HCRT: variants seen among roughly 807,000 people sequenced by gnomAD.
HCRT encodes hypocretin neuropeptide precursor.
A neutral mutation model predicts 5.7 loss-of-function variants in HCRT; 5 were observed. That is an observed-to-expected ratio of 0.87 (90% CI 0.45 to 1.83). The LOEUF (loss-of-function observed/expected upper bound fraction) is 1.83, where lower values mean the gene tolerates loss of function less well. HCRT is among the 40% of genes most tolerant of loss of function. HCRT has a pLI of 0.02. For synonymous variants in HCRT, 114 were observed against 99.0 expected (o/e 1.15, Z -0.90); for missense variants, 207 against 191.8 (o/e 1.08, Z -0.47).
Position 42,184,202 on chromosome 17 carries a change from G to GGAACAGCGGCGCCCGAGGCA in HCRT, c.328_347dup (p.Pro118SerfsTer48). ...GCGCGACGGAGGCGGCGGCCGGGGC[G>GGAACAGCGGCGCCCGAGGCA]GAACAGCGGCGCCCGAGGCAGGGGC... On this transcript the variant is annotated frameshift_variant, in exon 2 of 2. Transcript: ENST00000293330. LOFTEE classifies it low-confidence loss of function (END_TRUNC). 3 of 1,287,680 alleles carry GGAACAGCGGCGCCCGAGGCA rather than the reference G, an allele frequency of 2.3e-6. No individual in the cohort carries two copies. Among genetic ancestry groups the GGAACAGCGGCGCCCGAGGCA allele is most frequent in the Non-Finnish European group, 2.9e-6 (3 of 1,019,868 alleles). The allele number at this position is 1,287,680 out of a possible 1,614,324, so 79.8% of individuals were successfully genotyped here. A position where few individuals can be genotyped will look rare whatever the true frequency, so the allele number is the denominator to read the frequency against.
At chr17:42,184,676 C>G (rs2079925039) in intron 1 of HCRT, 148 bp from the exon 2 acceptor site, 2 of 1,276,634 alleles carry the variant, frequency 1.6e-6, no homozygotes, top group Admixed American at 3.0e-5. Flanking sequence ...GCTTTGCGCC[C>G]TTGCTGGTAT....
Position 42,184,529 on chromosome 17 carries a change from CTAGGGAGACG to C in HCRT, c.22-11_22-2del. 6.5e-7 allele frequency: 1 copy of C among 1,531,438 alleles called. No individual in the cohort carries two copies. Among genetic ancestry groups the C allele is most frequent in the Non-Finnish European group, 8.7e-7 (1 of 1,144,938 alleles). The allele number at this position is 1,531,438 out of a possible 1,614,324, so 94.9% of individuals were successfully genotyped here. On this transcript the variant is annotated splice_acceptor_variant and splice_polypyrimidine_tract_variant and intron_variant, in intron 1 of 1. Coordinates refer to ENST00000293330, the MANE Select transcript of HCRT (RefSeq NM_001524.1). LOFTEE classifies it high-confidence loss of function. ...GTAGCGTCACGGCGGCCCAGGAGAC[CTAGGGAGACG>C]GAGACAGGGCGCTGGGGGGGTCTTC...
intron 1 of HCRT, 81 bp downstream of exon 1, chr17:42,185,264 G>T: frequency 7.4e-7 from 1 of 1,350,174 alleles, no homozygotes; most frequent in Non-Finnish European, 1.1e-6. Context: ...GACACCTTTG[G>T]CCTTTCTTCC....
chr17:42,184,335 C>T lies in HCRT; in HGVS notation c.215G>A (p.Gly72Glu). 6.4e-7 allele frequency: 1 copy of T among 1,565,378 alleles called. No individual in the cohort carries two copies. The highest frequency in any genetic ancestry group is 8.6e-7 in the Non-Finnish European group (1 of 1,161,754). Residue 72 changes from glycine (G) to glutamate (E), a missense_variant, in exon 2 of 2, where the codon GGG becomes GAG. Gly to Glu is a moderately conservative substitution (Grantham distance 98). Transcript: ENST00000293330. Reference sequence around the variant, plus strand: ...CAGCCGACCCTGGAGGCCCGGGGGCCCGGACCTCCGCTTGCCCAGCGTGAG... The same window carrying T: ...CAGCCGACCCTGGAGGCCCGGGGGCTCGGACCTCCGCTTGCCCAGCGTGAG... ...GILTLGKRRS[G>E]PPGLQGRLQR... is the part of the protein sequence containing the mutation.
intron 1 of HCRT, 71 bp downstream of exon 1, chr17:42,185,274 C>T: frequency 2.0e-6 from 3 of 1,473,624 alleles, no homozygotes; most frequent in Non-Finnish European, 2.8e-6. Flanking sequence ...GCCTTTCTTC[C>T]AGCCCTCTGA....
chr17:42,184,654 T>C, intron 1 of HCRT, 126 bp from the exon 2 acceptor site: 2 of 1,342,400 alleles, frequency 1.5e-6, no homozygotes, highest in South Asian at 3.2e-5. Context: ...TGGCTGTCAC[T>C]TAGTTCTCCT....
chr17:42,184,476 G>C lies in HCRT; in HGVS notation c.74C>G (p.Ala25Gly). Reference protein sequence around the residue: ...LLLLLLLLPPALLSSGAAAQP... With the variant: ...LLLLLLLLPPGLLSSGAAAQP... ...TGCAGCCGCCCCGGACGACAACAGCGCGGGCGGCAGCAGCAGCAGCAGCAG... is the reference window on the plus strand; with the variant it reads ...TGCAGCCGCCCCGGACGACAACAGCCCGGGCGGCAGCAGCAGCAGCAGCAG... The change falls in exon 2 of 2, where the codon GCG becomes GGG. Residue 25 changes from alanine (A) to glycine (G), a missense_variant. By Grantham distance (60) the Ala-to-Gly change is moderately conservative (BLOSUM62 0). Coordinates refer to ENST00000293330, the MANE Select transcript of HCRT (RefSeq NM_001524.1). 1 of 1,585,708 alleles carries C rather than the reference G, an allele frequency of 6.3e-7. No homozygotes were observed. The highest frequency in any genetic ancestry group is 8.5e-7 in the Non-Finnish European group (1 of 1,172,154).
In HCRT at chr17:42,184,223, G is replaced by A; in HGVS notation, c.327C>T (p.Pro109=). The change falls in exon 2 of 2, where the codon CCC becomes CCT. Residue 109 remains proline, a synonymous_variant. Transcript: ENST00000293330. ...GGGCGGAACAGCGGCGCCCGAGGCA[G>A]GGGCGCGGCGCTGGCTCTGCGCCTG... The part of the protein sequence containing the change: ...RRAGAEPAPR[P]CLGRRCSAPA... 7.6e-7 allele frequency: 1 copy of A among 1,317,266 alleles called. No homozygotes were observed. Among genetic ancestry groups the A allele is most frequent in the Non-Finnish European group, 9.6e-7 (1 of 1,036,966 alleles). The allele number at this position is 1,317,266 out of a possible 1,614,324, so 81.6% of individuals were successfully genotyped here. A position where few individuals can be genotyped will look rare whatever the true frequency, so the allele number is the denominator to read the frequency against.
At chr17:42,184,575 C>T in intron 1 of HCRT, 47 bp from the exon 2 acceptor site, 3 of 1,476,930 alleles carry the variant, frequency 2.0e-6, no homozygotes, top group Non-Finnish European at 2.7e-6. Context: ...CCACGGCGCC[C>T]GCCACCAGCT....
At chr17:42,185,191 C>T (rs1172219999) in intron 1 of HCRT, among the ~76,000 whole-genome samples, 154 bp downstream of exon 1, 1 of 152,194 alleles carries the variant, frequency 6.6e-6, no homozygotes, top group African/African-American at 2.4e-5. Context: ...AGCACCCAAC[C>T]CAATGTGAGC....
intron 1 of HCRT, 91 bp downstream of exon 1, chr17:42,185,254 G>T: frequency 1.6e-6 from 2 of 1,221,472 alleles, no homozygotes; most frequent in South Asian, 1.2e-5. Flanking sequence ...CAAGAGTGGA[G>T]ACACCTTTGG....
rs766911961 is a variant in HCRT, at chr17:42,184,494, A to G, written c.56T>C (p.Leu19Pro). ...CAACAGCGCGGGCGGCAGCAGCAGC[A>G]GCAGCAGCAGTAGCGTCACGGCGGC... Reference protein sequence around the residue: ...SWAAVTLLLLLLLLPPALLSS... With the variant: ...SWAAVTLLLLPLLLPPALLSS... Residue 19 changes from leucine to proline, a missense_variant, in exon 2 of 2, where the codon CTG (leucine) becomes CCG (proline). Transcript: ENST00000293330. 3 of 1,572,734 alleles carry G rather than the reference A, an allele frequency of 1.9e-6. No individual in the cohort carries two copies. Among genetic ancestry groups the G allele is most frequent in the Non-Finnish European group, 2.6e-6 (3 of 1,166,140 alleles).
rs780012837 is a variant in HCRT, at chr17:42,184,550, G to C, written c.22-22C>G. 3 of 1,500,592 alleles carry C rather than the reference G, an allele frequency of 2.0e-6. No homozygotes were observed. In the South Asian group the frequency reaches 3.7e-5, roughly 19 times the overall value. 93.0% of individuals were successfully genotyped at this position (1,500,592 alleles called of 1,614,324 possible). A position where few individuals can be genotyped will look rare whatever the true frequency, so the allele number is the denominator to read the frequency against. On this transcript the variant is annotated intron_variant, in intron 1 of 1. Transcript: ENST00000293330. ...AGACCTAGGGAGACGGAGACAGGGC[G>C]CTGGGGGGGTCTTCCCACGGCGCCC... is the stretch of plus-strand genomic sequence containing the variant.
intron 1 of HCRT, 102 bp downstream of exon 1, chr17:42,185,243 C>A: frequency 1.8e-6 from 2 of 1,138,064 alleles, no homozygotes; most frequent in Non-Finnish European, 1.3e-6. Context: ...CAGGAAAAGA[C>A]CAAGAGTGGA....
At chr17:42,185,259 C>A in intron 1 of HCRT, 86 bp downstream of exon 1, 3 of 1,293,164 alleles carry the variant, frequency 2.3e-6, no homozygotes, top group South Asian at 1.2e-5. Flanking sequence ...GTGGAGACAC[C>A]TTTGGCCTTT....
chr17:42,184,572 G>T, intron 1 of HCRT, 44 bp from the exon 2 acceptor site: 3 of 1,461,986 alleles, frequency 2.1e-6, no homozygotes, highest in African/African-American at 2.9e-5. Flanking sequence ...TTCCCACGGC[G>T]CCCGCCACCA....
Position 42,184,174 on chromosome 17 carries a change from C to T in HCRT, c.376G>A (p.Gly126Arg), listed in dbSNP as rs1270386850. The change falls in exon 2 of 2, where the codon GGA (glycine) becomes AGA (arginine). Residue 126 changes from glycine (G) to arginine (R), a missense_variant. Physicochemically the swap from Gly to Arg is moderately radical, Grantham distance 125 (BLOSUM62 -2). Coordinates refer to ENST00000293330, the MANE Select transcript of HCRT (RefSeq NM_001524.1). Reference protein sequence around the residue: ...SAPAAASVAPGGQSGI With the variant: ...SAPAAASVAPRGQSGI ...ACGACTCAGATCCCGGACTGTCCTC[C>T]GGGCGCGACGGAGGCGGCGGCCGGG... The T allele has an allele frequency of 2.3e-6, 3 of 1,284,580 alleles. No individual in the cohort carries two copies. The East Asian group carries it at 9.4e-5, about 40-fold the overall frequency. 79.6% of individuals were successfully genotyped at this position (1,284,580 alleles called of 1,614,324 possible).
chr17:42,184,542 G>A lies in HCRT; in HGVS notation c.22-14C>T, dbSNP rs755908167. 1.3e-5 allele frequency: 19 copies of A among 1,515,658 alleles called. No individual in the cohort carries two copies. Among genetic ancestry groups the A allele is most frequent in the African/African-American group, 1.4e-5 (1 of 71,224 alleles). The allele number at this position is 1,515,658 out of a possible 1,614,324, so 93.9% of individuals were successfully genotyped here. On this transcript the variant is annotated splice_polypyrimidine_tract_variant and intron_variant, in intron 1 of 1. Transcript: ENST00000293330. ...GGCCCAGGAGACCTAGGGAGACGGAGACAGGGCGCTGGGGGGGTCTTCCCA... is the reference window on the plus strand; with the variant it reads ...GGCCCAGGAGACCTAGGGAGACGGAAACAGGGCGCTGGGGGGGTCTTCCCA...
intron 1 of HCRT, 99 bp from the exon 2 acceptor site, chr17:42,184,627 A>G (rs2079924855): frequency 1.4e-6 from 2 of 1,412,342 alleles, no homozygotes; most frequent in East Asian, 2.7e-5. Flanking sequence ...CGCCCCCTCC[A>G]AGCCTGCACT....
Sources: allele counts gnomAD v4.1 joint callset (sites outside exome capture counted in the v4.1 genomes callset), GRCh38; gene constraint gnomAD v4.1.1; transcripts MANE v1.5; gene names NCBI Gene and HGNC (gene_info 2026-07-23, HGNC 2026-07-21).